ACYP2: variants seen among roughly 807,000 people sequenced by gnomAD.
ACYP2 encodes acylphosphatase-2.
In ACYP2, 12 loss-of-function variants were observed where a neutral mutation model predicts 11.2. The ratio of observed to expected loss-of-function variants is 1.08; its 90% CI spans 0.69 to 1.74. The LOEUF (loss-of-function observed/expected upper bound fraction) is 1.74. Ranked by LOEUF, ACYP2 falls within the 40% of genes most tolerant of loss-of-function variation. The pLI, the probability that ACYP2 is intolerant of heterozygous loss-of-function variation, is 0.00. For missense variants in ACYP2, 134 were observed against 101.9 expected, an observed-to-expected ratio of 1.31 and a Z score of -1.35; for synonymous variants, 43 against 32.2, an observed-to-expected ratio of 1.33 and a Z score of -1.13.
At chr2:54,067,324 G>A (rs1676801033) in intron 4 of ACYP2, among the ~76,000 whole-genome samples, 1 of 152,056 alleles carries the variant, frequency 6.6e-6, no homozygotes. Context: ...CATTGTCATT[G>A]TATAAAATTT....
At chr2:54,126,756 T>A (rs901198775) in intron 4 of ACYP2, among the ~76,000 whole-genome samples, 1 of 152,040 alleles carries the variant, frequency 6.6e-6, no homozygotes, top group African/African-American at 2.4e-5. Context: ...GAGACCAGCC[T>A]GCCCAACATG....
chr2:54,100,726 T>C (rs1678848003), intron 4 of ACYP2, among the ~76,000 whole-genome samples: 1 of 152,220 alleles, frequency 6.6e-6, no homozygotes, highest in Non-Finnish European at 1.5e-5. Context: ...GTAGTTTGAA[T>C]TGACCATTCA....
At chr2:54,155,150 A>G (rs1682372332) in intron 6 of ACYP2, among the ~76,000 whole-genome samples, 1 of 151,506 alleles carries the variant, frequency 6.6e-6, no homozygotes, top group African/African-American at 2.4e-5. Context: ...CTCCTCTTTT[A>G]TTTCTCATTT....
intron 4 of ACYP2, among the ~76,000 whole-genome samples, chr2:54,101,761 A>C (rs966679686): frequency 2.0e-5 from 3 of 151,892 alleles, no homozygotes; most frequent in African/African-American, 7.3e-5. Context: ...CTCCTTTTTA[A>C]AATTAGTGTG....
At chr2:54,159,698 G>T (rs1682619739) in intron 6 of ACYP2, among the ~76,000 whole-genome samples, 1 of 152,086 alleles carries the variant, frequency 6.6e-6, no homozygotes, top group Non-Finnish European at 1.5e-5. Context: ...GGAAGCACAG[G>T]GGTAGAGTTT....
intron 2 of ACYP2, among the ~76,000 whole-genome samples, chr2:54,004,915 A>C (rs948185868): frequency 1.3e-5 from 2 of 150,214 alleles, no homozygotes; most frequent in African/African-American, 4.9e-5. Flanking sequence ...AAAAAAAAAA[A>C]CAAAAGAAAG....
intron 6 of ACYP2, among the ~76,000 whole-genome samples, chr2:54,279,776 T>C (rs1416407885): frequency 6.6e-6 from 1 of 152,184 alleles, no homozygotes; most frequent in Non-Finnish European, 1.5e-5. Flanking sequence ...CTCACATTCC[T>C]TCATCATTCC....
chr2:54,007,331 G>A (rs1221298609), intron 2 of ACYP2, among the ~76,000 whole-genome samples: 2 of 142,874 alleles, frequency 1.4e-5, no homozygotes. Context: ...TCGGCTCACC[G>A]CAACCTCTGC....
chr2:53,971,437 T>G (rs946242706), intron 1 of ACYP2: 1 of 152,276 alleles, frequency 6.6e-6, no homozygotes, highest in Non-Finnish European at 1.5e-5. Context: ...CGCTTGTTCC[T>G]TATAGATTTA....
chr2:54,129,573 C>T (rs1399275739), intron 4 of ACYP2, among the ~76,000 whole-genome samples: 2 of 150,670 alleles, frequency 1.3e-5, no homozygotes, highest in Non-Finnish European at 3.0e-5. Flanking sequence ...TAACTTCTTG[C>T]TATCTATTAT....
At chr2:54,133,637 G>C (rs1401619674) in intron 4 of ACYP2, among the ~76,000 whole-genome samples, 1 of 152,172 alleles carries the variant, frequency 6.6e-6, no homozygotes, top group African/African-American at 2.4e-5. Context: ...AAAGAAGCCT[G>C]TTCTAATTCA....
chr2:54,090,883 T>G (rs762167826), intron 4 of ACYP2, among the ~76,000 whole-genome samples: 1 of 152,238 alleles, frequency 6.6e-6, no homozygotes, highest in Non-Finnish European at 1.5e-5. Flanking sequence ...ATAGACTTGT[T>G]CCTGTTTTCC....
intron 4 of ACYP2, among the ~76,000 whole-genome samples, chr2:54,068,512 G>A (rs1021579348): frequency 6.6e-6 from 1 of 152,214 alleles, no homozygotes; most frequent in South Asian, 2.1e-4. Flanking sequence ...TGTGGATTAA[G>A]AAGAAACAGG....
In ACYP2 at chr2:54,208,047, G is replaced by T. The variant is rs146910689; in HGVS notation, c.404+69299G>T. Among the ~76,000 whole-genome samples the T allele has an allele frequency of 2.2e-3, 335 of 152,134 alleles. 2 individuals are homozygous for T. Among genetic ancestry groups the T allele is most frequent in the African/African-American group, 7.4e-3 (306 of 41,520 alleles). On this transcript the variant is annotated intron_variant, in intron 6 of 6. Coordinates refer to ENST00000607452, the MANE Select transcript of ACYP2 (RefSeq NM_001320586.2). ...CATGAAATGTATTCTCTGGGTTATG[G>T]TCTGCATGTGATTTGCTGTTCCTTG...
chr2:54,179,614 C>T (rs1277183416), intron 6 of ACYP2, among the ~76,000 whole-genome samples: 1 of 152,088 alleles, frequency 6.6e-6, no homozygotes, highest in Admixed American at 6.6e-5. Context: ...TATAGGGTAA[C>T]TTCCTGATGT....
At chr2:54,165,535 TCACACACACA>T (rs1163844895) in intron 6 of ACYP2, among the ~76,000 whole-genome samples, 43 of 128,964 alleles carry the variant, frequency 3.3e-4, no homozygotes, top group Middle Eastern at 3.6e-3. Context: ...TCTCTCTCTC[TCACACACACA>T]CACACACACA....
intron 6 of ACYP2, among the ~76,000 whole-genome samples, chr2:54,272,928 A>C (rs1186016570): frequency 1.3e-4 from 20 of 152,232 alleles, no homozygotes; most frequent in Admixed American, 1.3e-3. Flanking sequence ...AGCTTCTATA[A>C]AGACTGTATT....
intron 4 of ACYP2, among the ~76,000 whole-genome samples, chr2:54,072,808 C>T (rs11695734): frequency 0.38 from 58,174 of 151,792 alleles, 11,891 homozygotes; most frequent in East Asian, 0.71. Context: ...AATGATCTGC[C>T]TGCCTCAGCC....
At chr2:54,257,116 G>C (rs752753565) in intron 6 of ACYP2, among the ~76,000 whole-genome samples, 11 of 152,134 alleles carry the variant, frequency 7.2e-5, no homozygotes, top group Non-Finnish European at 1.3e-4. Flanking sequence ...CCTCACACCT[G>C]TAATCCTAGC....
Sources: gnomAD v4.1 joint callset for allele counts (sites outside exome capture counted in the v4.1 genomes callset) on GRCh38, gnomAD v4.1.1 for gene constraint, MANE v1.5 for transcripts, NCBI Gene and HGNC (gene_info 2026-07-23, HGNC 2026-07-21) for gene names.